The following ADAMTS2 variants were observed in gnomAD, a reference collection of about 807,000 sequenced individuals.
ADAMTS2 encodes ADAM metallopeptidase with thrombospondin type 1 motif 2, also known as A disintegrin and metalloproteinase with thrombospondin motifs 2.
ADAMTS2 carries 50 observed loss-of-function variants against 123.0 expected under a neutral mutation model. The observed-to-expected ratio is 0.41, with a 90% confidence interval of 0.32 to 0.51. The LOEUF (loss-of-function observed/expected upper bound fraction) is 0.51, where lower values mean the gene tolerates loss of function less well. ADAMTS2 is among the 20% of genes least tolerant of loss of function. The pLI is 0.35. For synonymous variants in ADAMTS2, 678 were observed against 695.4 expected (o/e 0.98, Z 0.39); for missense variants, 1,494 against 1,705.2 (o/e 0.88, Z 2.18).
At chr5:179,204,217 A>G (rs1561803451) in intron 4 of ADAMTS2, among the ~76,000 whole-genome samples, 1 of 152,176 alleles carries the variant, frequency 6.6e-6, no homozygotes, top group East Asian at 1.9e-4. Context: ...CTGAAACTCA[A>G]TGGGCACAGT....
At chr5:179,125,213 C>A in intron 18 of ADAMTS2, 33 bp from the exon 19 acceptor site, 1 of 1,602,956 alleles carries the variant, frequency 6.2e-7, no homozygotes, top group Non-Finnish European at 8.5e-7. Flanking sequence ...AGTCAGGCTT[C>A]CGCAGCACCT....
chr5:179,254,999 TGATG>T (rs35912390), intron 3 of ADAMTS2, among the ~76,000 whole-genome samples: 2,573 of 151,664 alleles, frequency 0.017, 81 homozygotes, highest in African/African-American at 0.06. Flanking sequence ...GGATGATGAA[TGATG>T]GATGGATGGA....
At position 179,343,905 on chromosome 5, in the gene ADAMTS2, C is replaced by T. The variant is rs770621969; in HGVS notation, c.396G>A (p.Ala132=). The change falls in exon 2 of 22, where the codon GCG becomes GCA. Residue 132 remains alanine, a synonymous_variant. Transcript: ENST00000251582. ...LRLRPNARLV[A]PGATMEWQGE... is the part of the protein sequence containing the mutation. ...CCTGCCACTCCATAGTGGCCCCGGG[C>T]GCCACGAGGCGGGCGTTGGGCCGCA... 6.2e-7 allele frequency: 1 copy of T among 1,604,834 alleles called. No homozygotes were observed.
chr5:179,344,224 C>A, intron 1 of ADAMTS2, 63 bp from the exon 2 acceptor site: 2 of 1,524,270 alleles, frequency 1.3e-6, no homozygotes, highest in Middle Eastern at 2.3e-4. Flanking sequence ...CAGAGACCCG[C>A]CGGCAAGCCA....
intron 5 of ADAMTS2, among the ~76,000 whole-genome samples, chr5:179,168,604 G>A (rs770365217): frequency 6.6e-5 from 10 of 152,164 alleles, no homozygotes; most frequent in East Asian, 5.8e-4. Context: ...TATGATTGTC[G>A]TCATTCCTGT....
intron 10 of ADAMTS2, among the ~76,000 whole-genome samples, chr5:179,142,146 G>C (rs1763182206): frequency 6.6e-6 from 1 of 152,166 alleles, no homozygotes; most frequent in Non-Finnish European, 1.5e-5. Context: ...CTGAAACAGA[G>C]CGTGGAGGAT....
At chr5:179,204,028 AT>A (rs1038905014) in intron 4 of ADAMTS2, among the ~76,000 whole-genome samples, 1 of 152,250 alleles carries the variant, frequency 6.6e-6, no homozygotes, top group Admixed American at 6.5e-5. Context: ...AAGGAAGGAC[AT>A]TCTTACACAT....
rs1757103960 is a variant in ADAMTS2 at position 179,319,744 on chromosome 5, T to C, written c.534+24023A>G. Among the ~76,000 whole-genome samples, 4 of 147,578 alleles carry C rather than the reference T, an allele frequency of 2.7e-5. No individual in the cohort carries two copies. The South Asian group carries it at 9.1e-4, about 34-fold the overall frequency. ...TCTCCCCTCTGTTGAGGCAAAAAGC[T>C]GTGACCCTCTTTTCACCCAGAAACC... is the stretch of plus-strand genomic sequence containing the variant. On this transcript the variant is annotated intron_variant, in intron 2 of 21. Coordinates refer to ENST00000251582, the MANE Select transcript of ADAMTS2 (RefSeq NM_014244.5).
intron 2 of ADAMTS2, among the ~76,000 whole-genome samples, chr5:179,274,794 G>C (rs464062): frequency 1.3e-5 from 2 of 152,344 alleles, no homozygotes; most frequent in South Asian, 4.1e-4. Context: ...CTGGGCCCTC[G>C]GGAAGCTGAT....
chr5:179,277,088 C>T (rs1413476223), intron 2 of ADAMTS2, among the ~76,000 whole-genome samples: 2 of 152,040 alleles, frequency 1.3e-5, no homozygotes, highest in Non-Finnish European at 2.9e-5. Context: ...TGGAAGGGCA[C>T]CCCTGCAGGC....
chr5:179,280,893 T>C (rs1176965691), intron 2 of ADAMTS2, among the ~76,000 whole-genome samples: 1 of 152,200 alleles, frequency 6.6e-6, no homozygotes, highest in Non-Finnish European at 1.5e-5. Context: ...AGTCTCGCTC[T>C]GTCACCCAGG....
In ADAMTS2 at chr5:179,268,725, G is replaced by A. The variant is rs111731018; in HGVS notation, c.688+4186C>T. On this transcript the variant is annotated intron_variant, in intron 3 of 21. Coordinates refer to ENST00000251582, the MANE Select transcript of ADAMTS2 (RefSeq NM_014244.5). ...CGACAGGGTGGAGGGTCCAGTGAGG[G>A]AGGCAGCAGGACCAGGGCCTGCCTG... 3.2e-3 allele frequency among the ~76,000 whole-genome samples: 486 copies of A among 152,352 alleles called. 1 individual carries two copies. In the Middle Eastern group the frequency reaches 0.037, roughly 12 times the overall value.
In ADAMTS2 at chr5:179,332,588, A is replaced by G. The variant is rs1757510755; in HGVS notation, c.534+11179T>C. Among the ~76,000 whole-genome samples, 1 of 151,980 alleles carries G rather than the reference A, an allele frequency of 6.6e-6. No individual in the cohort carries two copies. The highest frequency in any genetic ancestry group is 2.1e-4 in the South Asian group (1 of 4,832). On this transcript the variant is annotated intron_variant, in intron 2 of 21. Transcript: ENST00000251582. The surrounding 1 kb of genome is among the most constrained non-coding windows in gnomAD (Gnocchi z 4.2). Reference sequence around the variant, plus strand: ...CCACTATCACAGGGTCTCAGACAGTACCTCAGTCTGTGACCCAACCTGCAT... The same window carrying G: ...CCACTATCACAGGGTCTCAGACAGTGCCTCAGTCTGTGACCCAACCTGCAT...
Position 179,114,232 on chromosome 5 carries a change from T to C in ADAMTS2, c.3271A>G (p.Lys1091Glu). ...AGGTTGTTGTACAGGTTACAGGACT[T>C]GCAGCACAGCTTGTTGTAGCCTGGG... ...SIPGYNKLCC[K>E]SCNLYNNLTN... is the part of the protein sequence containing the mutation. The change falls in exon 22 of 22, where the codon AAG (lysine) becomes GAG (glutamate). Residue 1091 changes from lysine (K) to glutamate (E), a missense_variant. This residue lies in a region of ADAMTS2 where 953 missense variants were observed against 1,124.7 expected (regional missense o/e 0.85). Coordinates refer to ENST00000251582, the MANE Select transcript of ADAMTS2 (RefSeq NM_014244.5). The C allele has an allele frequency of 6.2e-7, 1 of 1,613,962 alleles. No individual in the cohort carries two copies. Among genetic ancestry groups the C allele is most frequent in the Non-Finnish European group, 8.5e-7 (1 of 1,179,850 alleles).
At chr5:179,282,223 T>C (rs993716879) in intron 2 of ADAMTS2, among the ~76,000 whole-genome samples, 1 of 152,224 alleles carries the variant, frequency 6.6e-6, no homozygotes, top group Non-Finnish European at 1.5e-5. Context: ...TAATCCAAAG[T>C]AACAAAGATT....
chr5:179,313,810 C>T (rs911415091), intron 2 of ADAMTS2, among the ~76,000 whole-genome samples: 2 of 40,266 alleles, frequency 5.0e-5, no homozygotes, highest in African/African-American at 1.4e-4. Context: ...ACACTCACAC[C>T]GAGACAGAGG....
intron 3 of ADAMTS2, among the ~76,000 whole-genome samples, chr5:179,230,416 C>A (rs1041241767): frequency 6.6e-6 from 1 of 152,024 alleles, no homozygotes; most frequent in African/African-American, 2.4e-5. Flanking sequence ...GTCACTTATG[C>A]GCTCCAGGGC....
rs1352105152 is a variant in ADAMTS2, at chr5:179,185,365, G to A, written c.892-4210C>T. Among the ~76,000 whole-genome samples, 2 of 152,140 alleles carry A rather than the reference G, an allele frequency of 1.3e-5. No homozygotes were observed. Among genetic ancestry groups the A allele is most frequent in the Non-Finnish European group, 2.9e-5 (2 of 67,990 alleles). On this transcript the variant is annotated intron_variant, in intron 4 of 21. Coordinates refer to ENST00000251582, the MANE Select transcript of ADAMTS2 (RefSeq NM_014244.5). This position sits in a 1 kb window ranked among gnomAD's most constrained non-coding sequence, Gnocchi z 5.9. ...GATTGGAATAGGGGTCATCTGCCCC[G>A]CCTGAGCAGGGAGAGGCTGGGGCTC...
chr5:179,318,939 G>C (rs1386017101), intron 2 of ADAMTS2, among the ~76,000 whole-genome samples: 2 of 152,188 alleles, frequency 1.3e-5, no homozygotes, highest in Admixed American at 1.3e-4. Context: ...CTGGGCAAGG[G>C]GCGTGTGTGC....
Sources: gnomAD v4.1 joint callset for allele counts (sites outside exome capture counted in the v4.1 genomes callset) on GRCh38, gnomAD v4.1.1 for gene constraint, gnomAD v4.1.1 regional missense constraint, Gnocchi (gnomAD v3.1) non-coding constraint, MANE v1.5 for transcripts, NCBI Gene and HGNC (gene_info 2026-07-23, HGNC 2026-07-21) for gene names.